Variants in FBXW4 observed in about 807,000 individuals in gnomAD.
The protein encoded by FBXW4 is F-box/WD repeat-containing protein 4.
Under a neutral mutation model 61.8 loss-of-function variants are expected in FBXW4, and 40 were observed. The observed-to-expected ratio is 0.65, with a 90% CI of 0.50 to 0.84. The LOEUF (loss-of-function observed/expected upper bound fraction) is 0.84, where lower values mean the gene tolerates loss of function less well. Among genes scored for constraint, FBXW4 ranks in the 40% least tolerant of loss-of-function variants. The probability of loss-of-function intolerance (pLI) is 0.00; values close to 1 mark genes in which losing one functional copy is unlikely to be tolerated. For synonymous variants in FBXW4, 311 were observed against 313.8 expected, an observed-to-expected ratio of 0.99 and a Z score of 0.10; for missense variants, 672 against 753.8, an observed-to-expected ratio of 0.89 and a Z score of 1.27.
chr10:101,611,738 CGTG>C lies in FBXW4; in HGVS notation c.1471_1473del (p.His491del). 1.2e-5 allele frequency: 19 copies of C among 1,614,072 alleles called. No homozygotes were observed. The highest frequency in any genetic ancestry group is 1.5e-5 in the Non-Finnish European group (18 of 1,179,986). On this transcript the variant is annotated inframe_deletion, in exon 8 of 9. Coordinates refer to ENST00000331272, the MANE Select transcript of FBXW4 (RefSeq NM_022039.4). This position sits in a 1 kb window ranked among gnomAD's most constrained non-coding sequence, Gnocchi z 4.9. ...GTCTGCAGGCAGTACAGGGTGCTGT[CGTG>C]GGGCTCCTCCCACTCCATGACACAT...
intron 5 of FBXW4, chr10:101,660,225 C>T (rs897022966): frequency 1.0e-6 from 1 of 984,898 alleles, no homozygotes; most frequent in African/African-American, 1.8e-5. Context: ...CATCTTGTAC[C>T]TCCAAAACTC....
intron 4 of FBXW4, among the ~76,000 whole-genome samples, chr10:101,670,945 C>G (rs921921650): frequency 1.3e-5 from 2 of 152,140 alleles, no homozygotes; most frequent in African/African-American, 4.8e-5. Context: ...CCCTTTACCC[C>G]ATAAAATAAA....
At chr10:101,617,150 T>C (rs980744399) in intron 6 of FBXW4, among the ~76,000 whole-genome samples, 1 of 152,226 alleles carries the variant, frequency 6.6e-6, no homozygotes, top group Admixed American at 6.5e-5. Flanking sequence ...GTTTTACTCG[T>C]ATCAGCCCAT....
chr10:101,635,131 G>T (rs2063990246), intron 5 of FBXW4, among the ~76,000 whole-genome samples: 1 of 149,042 alleles, frequency 6.7e-6, no homozygotes, highest in Admixed American at 6.7e-5. Flanking sequence ...TTAGATCAGG[G>T]GTAGCATTAG....
chr10:101,622,466 G>A (rs530751156), intron 6 of FBXW4, among the ~76,000 whole-genome samples: 67 of 152,234 alleles, frequency 4.4e-4, no homozygotes, highest in African/African-American at 1.6e-3. Flanking sequence ...GGTGGCTCAC[G>A]CCTGTAATCC....
chr10:101,648,625 T>A (rs185899209), intron 5 of FBXW4, among the ~76,000 whole-genome samples: 1 of 152,266 alleles, frequency 6.6e-6, no homozygotes, highest in Admixed American at 6.5e-5. Context: ...TTAATGTGCA[T>A]CCAACCAGGC....
At chr10:101,621,557 C>T (rs894842239) in intron 6 of FBXW4, among the ~76,000 whole-genome samples, 4 of 152,068 alleles carry the variant, frequency 2.6e-5, no homozygotes, top group Non-Finnish European at 5.9e-5. Context: ...CCACAAACTC[C>T]GAGGTACTAG....
At chr10:101,625,027 G>A (rs1323879371) in intron 5 of FBXW4, 14 of 605,600 alleles carry the variant, frequency 2.3e-5, no homozygotes, top group East Asian at 2.0e-4. Flanking sequence ...GAAGACCCAC[G>A]AGCTCAGCCA....
intron 5 of FBXW4, among the ~76,000 whole-genome samples, chr10:101,631,626 T>C (rs2063957214): frequency 6.9e-6 from 1 of 145,926 alleles, no homozygotes; most frequent in Non-Finnish European, 1.5e-5. Context: ...AACACATTAT[T>C]TACTTTTTTT....
chr10:101,617,888 A>T (rs934230707), intron 6 of FBXW4, among the ~76,000 whole-genome samples: 1 of 152,238 alleles, frequency 6.6e-6, no homozygotes, highest in African/African-American at 2.4e-5. Flanking sequence ...TTAAAGAGGT[A>T]AAGAAAAAAG....
At chr10:101,612,550 T>A in intron 6 of FBXW4, 73 bp from the exon 7 acceptor site, 1 of 1,382,336 alleles carries the variant, frequency 7.2e-7, no homozygotes, top group Non-Finnish European at 9.5e-7. Context: ...TCAGAAGGCA[T>A]CAGACCTTGG....
chr10:101,694,277 G>T lies in FBXW4; in HGVS notation c.725+104C>A. 9.0e-7 allele frequency: 1 copy of T among 1,117,176 alleles called. No homozygotes were observed. The highest frequency in any genetic ancestry group is 2.5e-5 in the South Asian group (1 of 40,474). 69.2% of individuals were successfully genotyped at this position (1,117,176 alleles called of 1,614,324 possible). ...AGGTCAGGTGTAGGCCTAGAAACTC[G>T]GGGTGCGACACGACCCTGGGCCGAC... On this transcript the variant is annotated intron_variant, in intron 1 of 8. Transcript: ENST00000331272. This position sits in a 1 kb window ranked among gnomAD's most constrained non-coding sequence, Gnocchi z 6.0.
chr10:101,676,258 G>T, intron 2 of FBXW4, 83 bp downstream of exon 2: 18 of 1,010,968 alleles, frequency 1.8e-5, no homozygotes, highest in Middle Eastern at 2.9e-4. Flanking sequence ...AGCCCCATTA[G>T]CCTCTATGTA....
At chr10:101,652,899 T>C (rs1036999415) in intron 5 of FBXW4, among the ~76,000 whole-genome samples, 4 of 152,194 alleles carry the variant, frequency 2.6e-5, no homozygotes, top group African/African-American at 7.2e-5. Context: ...GGCTCTTTGT[T>C]TCTCCTTGCT....
chr10:101,674,549 A>G (rs2064389810), intron 2 of FBXW4, among the ~76,000 whole-genome samples: 1 of 152,288 alleles, frequency 6.6e-6, no homozygotes, highest in East Asian at 1.9e-4. Context: ...GGGGTCATTT[A>G]TAAGTGAAAG....
intron 5 of FBXW4, among the ~76,000 whole-genome samples, chr10:101,641,647 A>AAAACC (rs1300074478): frequency 2.0e-5 from 3 of 151,306 alleles, no homozygotes; most frequent in Non-Finnish European, 2.9e-5. Flanking sequence ...AAAACAAAAC[A>AAAACC]ATACACATAC....
intron 5 of FBXW4, among the ~76,000 whole-genome samples, chr10:101,640,742 C>T (rs2064044837): frequency 6.6e-6 from 1 of 151,402 alleles, no homozygotes; most frequent in African/African-American, 2.4e-5. Flanking sequence ...TCTCACGCTC[C>T]TGGCCTCAAG....
chr10:101,672,998 A>T lies in FBXW4; in HGVS notation c.1057T>A (p.Tyr353Asn). ...TTCACCTCCTGTTCATGAGCCGAGT[A>T]CTTGACAGTGAAGGTGCTGTGAATC... The part of the protein sequence containing the change: ...HKIHSTFTVK[Y>N]SAHEQEVNCV... Residue 353 changes from tyrosine (Y) to asparagine (N), a missense_variant, in exon 4 of 9, where the codon TAC becomes AAC. Around this residue, in one of 5 missense-constraint regions of FBXW4, gnomAD observed 312 missense variants for 370.1 expected, o/e 0.84. Transcript: ENST00000331272. The T allele has an allele frequency of 6.2e-7, 1 of 1,614,070 alleles. No individual in the cohort carries two copies. The highest frequency in any genetic ancestry group is 1.1e-5 in the South Asian group (1 of 91,072).
chr10:101,640,484 C>CTTTT (rs386372272), intron 5 of FBXW4, among the ~76,000 whole-genome samples: 3,813 of 83,756 alleles, frequency 0.046, 53 homozygotes, highest in East Asian at 0.065. Context: ...CTTTCTTTCT[C>CTTTT]TTTTTTTTTT....
Sources: allele counts gnomAD v4.1 joint callset (sites outside exome capture counted in the v4.1 genomes callset), GRCh38; gene constraint gnomAD v4.1.1; regional missense constraint gnomAD v4.1.1; non-coding constraint Gnocchi (gnomAD v3.1); transcripts MANE v1.5; gene names NCBI Gene and HGNC (gene_info 2026-07-23, HGNC 2026-07-21).